Variants in VPS13B observed in about 807,000 individuals in gnomAD.
VPS13B encodes vacuolar protein sorting 13 homolog B.
A neutral mutation model predicts 426.4 loss-of-function variants in VPS13B; 285 were observed. That is an observed-to-expected ratio of 0.67 (90% CI 0.61 to 0.74). The LOEUF is 0.74. Ranked by LOEUF, VPS13B falls within the 30% of genes least tolerant of loss-of-function variation. The probability of loss-of-function intolerance (pLI) is 0.00; values close to 1 mark genes in which losing one functional copy is unlikely to be tolerated. For missense variants in VPS13B, 4,537 were observed against 4,782.6 expected (o/e 0.95, Z 1.51); for synonymous variants, 1,676 against 1,676.4 (o/e 1.00, Z 0.01).
intron 43 of VPS13B, among the ~76,000 whole-genome samples, chr8:99,805,439 G>A (rs1434272587): frequency 6.6e-6 from 1 of 151,966 alleles, no homozygotes; most frequent in East Asian, 1.9e-4. Flanking sequence ...CTCTTCTTTG[G>A]TGTACTCTGT....
intron 39 of VPS13B, among the ~76,000 whole-genome samples, chr8:99,741,755 A>G (rs1809738818): frequency 6.6e-6 from 1 of 152,232 alleles, no homozygotes; most frequent in African/African-American, 2.4e-5. Flanking sequence ...AGGCAGAAAT[A>G]AAGATGTTCT....
chr8:99,679,116 G>T (rs1831055934), intron 35 of VPS13B, among the ~76,000 whole-genome samples: 1 of 151,948 alleles, frequency 6.6e-6, no homozygotes, highest in Admixed American at 6.6e-5. Flanking sequence ...GTTTTCTTCT[G>T]GAATAGTTTC....
At chr8:99,360,162 CTTT>C (rs1563687039) in intron 19 of VPS13B, among the ~76,000 whole-genome samples, 3 of 35,198 alleles carry the variant, frequency 8.5e-5, no homozygotes, top group Non-Finnish European at 1.5e-4. Flanking sequence ...TTCTTTCTTT[CTTT>C]CTTTCTTTCT....
chr8:99,718,291 G>A (rs1833001182), intron 37 of VPS13B, among the ~76,000 whole-genome samples: 1 of 151,894 alleles, frequency 6.6e-6, no homozygotes, highest in Non-Finnish European at 1.5e-5. Context: ...ATGTTGTTGA[G>A]GCTATAGATT....
chr8:99,501,918 CCCTCCCTCCCTT>C, intron 26 of VPS13B, 60 bp downstream of exon 26: 1 of 1,433,502 alleles, frequency 7.0e-7, no homozygotes, highest in Non-Finnish European at 9.5e-7. Context: ...CTCCCTCCCT[CCCTCCCTCCCTT>C]CCTTCCTTCC....
chr8:99,577,158 A>G (rs777034000), intron 32 of VPS13B, among the ~76,000 whole-genome samples: 16 of 152,194 alleles, frequency 1.1e-4, no homozygotes, highest in Non-Finnish European at 2.9e-5. Context: ...AGATTATGCT[A>G]CACAATTATA....
intron 31 of VPS13B, among the ~76,000 whole-genome samples, chr8:99,574,764 T>C (rs1432210677): frequency 6.6e-6 from 1 of 152,196 alleles, no homozygotes; most frequent in East Asian, 1.9e-4. Flanking sequence ...TGTGTAGCCT[T>C]AGCCCAGTAC....
chr8:99,783,479 T>A (rs1456802928), intron 42 of VPS13B, among the ~76,000 whole-genome samples: 2 of 152,076 alleles, frequency 1.3e-5, no homozygotes, highest in Non-Finnish European at 2.9e-5. Context: ...CTAACCAGAG[T>A]GATAAAAGAG....
intron 61 of VPS13B, 81 bp from the exon 62 acceptor site, chr8:99,875,337 A>G (rs954542602): frequency 4.3e-5 from 68 of 1,588,110 alleles, no homozygotes; most frequent in African/African-American, 6.7e-5. Flanking sequence ...ATGTACAAAT[A>G]TATCGAGGCA....
intron 36 of VPS13B, among the ~76,000 whole-genome samples, chr8:99,714,782 A>G (rs1832845436): frequency 6.6e-6 from 1 of 152,224 alleles, no homozygotes; most frequent in South Asian, 2.1e-4. Context: ...GTTATTCCAC[A>G]GTATCAAGGT....
At chr8:99,720,735 A>C in intron 38 of VPS13B, 128 bp from the exon 39 acceptor site, 1 of 1,117,872 alleles carries the variant, frequency 8.9e-7, no homozygotes, top group East Asian at 2.6e-5. Context: ...TCTGTTCCAG[A>C]ATATATATAA....
chr8:99,458,279 G>A (rs1040288019), intron 23 of VPS13B, among the ~76,000 whole-genome samples: 15 of 152,062 alleles, frequency 9.9e-5, no homozygotes, highest in Non-Finnish European at 1.9e-4. Context: ...AGTATTCCAT[G>A]GTGTATATGT....
chr8:99,393,581 G>A (rs1814565831), intron 21 of VPS13B, among the ~76,000 whole-genome samples: 1 of 151,972 alleles, frequency 6.6e-6, no homozygotes, highest in African/African-American at 2.4e-5. Context: ...TATAGATAAG[G>A]ACATTATTAT....
intron 50 of VPS13B, among the ~76,000 whole-genome samples, chr8:99,821,755 A>G (rs1466097222): frequency 6.6e-6 from 1 of 152,190 alleles, no homozygotes; most frequent in Non-Finnish European, 1.5e-5. Context: ...TGTGGGGAGA[A>G]AATGAACTTA....
intron 17 of VPS13B, among the ~76,000 whole-genome samples, chr8:99,201,728 T>C (rs1050970705): frequency 5.3e-5 from 8 of 152,216 alleles, no homozygotes; most frequent in Non-Finnish European, 1.2e-4. Context: ...GATTTGATTT[T>C]GTGCATTGAA....
At chr8:99,745,913 T>A (rs1810060407) in intron 39 of VPS13B, among the ~76,000 whole-genome samples, 1 of 152,148 alleles carries the variant, frequency 6.6e-6, no homozygotes. Context: ...ACTCTATCTA[T>A]ATTTTTCCCC....
chr8:99,332,320 AG>A (rs1433309142), intron 19 of VPS13B, among the ~76,000 whole-genome samples: 1 of 151,810 alleles, frequency 6.6e-6, no homozygotes, highest in East Asian at 1.9e-4. Context: ...ATTTTTAACA[AG>A]TCCCAAACAT....
chr8:99,466,590 G>C (rs547393009), intron 23 of VPS13B, among the ~76,000 whole-genome samples: 1 of 152,176 alleles, frequency 6.6e-6, no homozygotes, highest in East Asian at 1.9e-4. Context: ...TTTTACCTGA[G>C]ATAAGTCAGT....
At position 99,384,207 on chromosome 8, in the gene VPS13B, G is replaced by T; in HGVS notation, c.2825-1G>T. ...AACAGTTTAAAAATCTTGTCTTTTAGGTGCTGTACTTCTTTGCAGTATACA... is the reference window on the plus strand; with the variant it reads ...AACAGTTTAAAAATCTTGTCTTTTATGTGCTGTACTTCTTTGCAGTATACA... On this transcript the variant is annotated splice_acceptor_variant, in intron 19 of 61. Transcript: ENST00000357162. LOFTEE classifies it high-confidence loss of function. The T allele has an allele frequency of 6.2e-7, 1 of 1,612,878 alleles. No homozygotes were observed. Among genetic ancestry groups the T allele is most frequent in the Non-Finnish European group, 8.5e-7 (1 of 1,179,104 alleles).
Sources: allele counts gnomAD v4.1 joint callset (sites outside exome capture counted in the v4.1 genomes callset), GRCh38; gene constraint gnomAD v4.1.1; transcripts MANE v1.5; gene names NCBI Gene and HGNC (gene_info 2026-07-23, HGNC 2026-07-21).